PRKAG2: variants seen among roughly 807,000 people sequenced by gnomAD.
PRKAG2 encodes the protein protein kinase AMP-activated non-catalytic subunit gamma 2.
A neutral mutation model predicts 69.6 loss-of-function variants in PRKAG2; 26 were observed. That is an observed-to-expected ratio of 0.37 (90% CI 0.27 to 0.52). PRKAG2 has a LOEUF of 0.52. PRKAG2 is among the 20% of genes least tolerant of loss of function. PRKAG2 has a pLI of 0.90. For missense variants in PRKAG2, 557 were observed against 740.0 expected, an observed-to-expected ratio of 0.75 and a Z score of 2.87; for synonymous variants, 293 against 285.0, an observed-to-expected ratio of 1.03 and a Z score of -0.28.
chr7:151,685,694 G>C (rs1352470767), intron 3 of PRKAG2, among the ~76,000 whole-genome samples: 1 of 151,746 alleles, frequency 6.6e-6, no homozygotes, highest in African/African-American at 2.4e-5. Context: ...GCTTAAGCCT[G>C]AGAGGTTGCG....
intron 1 of PRKAG2, among the ~76,000 whole-genome samples, chr7:151,795,761 G>A (rs2077471217): frequency 1.3e-5 from 2 of 150,714 alleles, no homozygotes; most frequent in Non-Finnish European, 1.5e-5. Context: ...AGCATCGACT[G>A]CCTGAGCTTC....
At chr7:151,823,980 A>G (rs1433563660) in intron 1 of PRKAG2, among the ~76,000 whole-genome samples, 1 of 152,212 alleles carries the variant, frequency 6.6e-6, no homozygotes, top group Non-Finnish European at 1.5e-5. Context: ...ACGGGGAAAC[A>G]GGCATAGAGA....
rs955011334 is a variant in PRKAG2, at chr7:151,632,639, G to C, written c.685-501C>G. 45 of 982,930 alleles carry C rather than the reference G, an allele frequency of 4.6e-5. No individual in the cohort carries two copies. Among genetic ancestry groups the C allele is most frequent in the Non-Finnish European group, 5.2e-5 (43 of 827,846 alleles). The allele number at this position is 982,930 out of a possible 1,614,324, so 60.9% of individuals were successfully genotyped here. ...AGGTGTGGGCTCCGCGGCGCGGGGA[G>C]GGGGAGAGGGGCTGGAGGCTGCAGA... On this transcript the variant is annotated intron_variant, in intron 4 of 15. Coordinates refer to ENST00000287878, the MANE Select transcript of PRKAG2 (RefSeq NM_016203.4). The surrounding 1 kb of genome is among the most constrained non-coding windows in gnomAD (Gnocchi z 4.2).
chr7:151,587,145 G>GA (rs1160553068), intron 6 of PRKAG2, among the ~76,000 whole-genome samples: 2 of 152,100 alleles, frequency 1.3e-5, no homozygotes, highest in African/African-American at 4.8e-5. Context: ...TGCCTCAAAA[G>GA]AAAAAATAGT....
At chr7:151,607,375 A>G (rs12113117) in intron 5 of PRKAG2, among the ~76,000 whole-genome samples, 6,814 of 152,144 alleles carry the variant, frequency 0.045, 497 homozygotes, top group African/African-American at 0.15. Context: ...TTGAACTCTC[A>G]GGCTCAAGCA....
chr7:151,608,022 A>AAG (rs1289542668), intron 5 of PRKAG2, among the ~76,000 whole-genome samples: 1 of 151,946 alleles, frequency 6.6e-6, no homozygotes, highest in Non-Finnish European at 1.5e-5. Context: ...GTGTCCTTAT[A>AAG]AGAGAGAGAG....
At chr7:151,733,843 G>A (rs1779371910) in intron 3 of PRKAG2, among the ~76,000 whole-genome samples, 1 of 151,976 alleles carries the variant, frequency 6.6e-6, no homozygotes, top group Admixed American at 6.6e-5. Context: ...CCATGGGTGT[G>A]CACCACCATG....
At chr7:151,744,867 G>A (rs534459007) in intron 3 of PRKAG2, among the ~76,000 whole-genome samples, 1 of 152,340 alleles carries the variant, frequency 6.6e-6, no homozygotes, top group Admixed American at 6.5e-5. Context: ...GCTGTACAGA[G>A]CTGGGAGACT....
intron 4 of PRKAG2, among the ~76,000 whole-genome samples, chr7:151,668,549 T>C (rs1831379265): frequency 6.6e-6 from 1 of 152,210 alleles, no homozygotes; most frequent in Admixed American, 6.5e-5. Context: ...TGCAACCTTT[T>C]TAGCAGGATC....
intron 4 of PRKAG2, among the ~76,000 whole-genome samples, chr7:151,633,521 A>T (rs574482896): frequency 1.5e-3 from 224 of 152,134 alleles, no homozygotes; most frequent in African/African-American, 5.0e-3. Flanking sequence ...CTACAAAAGA[A>T]AGAAAAAACT....
chr7:151,853,497 G>A (rs138521411), intron 1 of PRKAG2, among the ~76,000 whole-genome samples: 1 of 152,240 alleles, frequency 6.6e-6, no homozygotes, highest in East Asian at 1.9e-4. Flanking sequence ...TATGGCTCAC[G>A]CCTGTAATCC....
intron 3 of PRKAG2, among the ~76,000 whole-genome samples, chr7:151,676,180 C>T (rs1044253036): frequency 1.4e-5 from 2 of 144,090 alleles, no homozygotes; most frequent in African/African-American, 2.6e-5. Flanking sequence ...TGGGGAAGTT[C>T]GGAAAATGTG....
chr7:151,874,501 TATGATGTATATGTATATGTATATG>T lies in PRKAG2; in HGVS notation c.114+1982_114+2005del, dbSNP rs202214663. Among the ~76,000 whole-genome samples the T allele has an allele frequency of 5.6e-5, 6 of 107,490 alleles. No homozygotes were observed. The East Asian group carries it at 1.1e-3, about 19-fold the overall frequency. The allele number at this position is 107,490 out of a possible 152,430, so 70.5% of individuals were successfully genotyped here. A position where few individuals can be genotyped will look rare whatever the true frequency, so the allele number is the denominator to read the frequency against. On this transcript the variant is annotated intron_variant, in intron 1 of 15. Transcript: ENST00000287878. The stretch of plus-strand genomic sequence containing the variant: ...TGTATATGTATATGATGTATATGTA[TATGATGTATATGTATATGTATATG>T]ATGTATATGTATATGTATATGTATA...
At chr7:151,629,990 T>C (rs1320131125) in intron 5 of PRKAG2, among the ~76,000 whole-genome samples, 1 of 152,224 alleles carries the variant, frequency 6.6e-6, no homozygotes, top group Non-Finnish European at 1.5e-5. Flanking sequence ...CAAAGCTGCA[T>C]TTGGACTACC....
chr7:151,858,867 C>T (rs763871908), intron 1 of PRKAG2, among the ~76,000 whole-genome samples: 8 of 152,152 alleles, frequency 5.3e-5, no homozygotes, highest in Non-Finnish European at 1.0e-4. Flanking sequence ...GAACGGAACA[C>T]GAATTCTGCC....
At chr7:151,712,149 C>G (rs543168894) in intron 3 of PRKAG2, among the ~76,000 whole-genome samples, 39 of 152,362 alleles carry the variant, frequency 2.6e-4, no homozygotes, top group African/African-American at 8.2e-4. Context: ...TGTAACATGA[C>G]TGGGCGGCTC....
chr7:151,601,205 G>A (rs1308698177), intron 5 of PRKAG2, among the ~76,000 whole-genome samples: 1 of 152,144 alleles, frequency 6.6e-6, no homozygotes, highest in Middle Eastern at 3.2e-3. Flanking sequence ...TGGATCACCT[G>A]AGAACACACA....
At position 151,807,386 on chromosome 7, in the gene PRKAG2, T is replaced by C. The variant is rs1461285543; in HGVS notation, c.115-20845A>G. 2 of 455,940 alleles carry C rather than the reference T, an allele frequency of 4.4e-6. No homozygotes were observed. The highest frequency in any genetic ancestry group is 4.7e-5 in the Admixed American group (2 of 42,542). The allele number at this position is 455,940 out of a possible 1,614,324, so 28.2% of individuals were successfully genotyped here. A position where few individuals can be genotyped will look rare whatever the true frequency, so the allele number is the denominator to read the frequency against. On this transcript the variant is annotated intron_variant, in intron 1 of 15. Transcript: ENST00000287878. This position sits in a 1 kb window ranked among gnomAD's most constrained non-coding sequence, Gnocchi z 4.4. ...TTTTCATGCAGCGGGAGTGGAATTT[T>C]CAGGAAGCAGCTGTGCTGTGGGTGA...
At chr7:151,700,511 GC>G (rs1008784208) in intron 3 of PRKAG2, among the ~76,000 whole-genome samples, 2 of 152,176 alleles carry the variant, frequency 1.3e-5, no homozygotes, top group Non-Finnish European at 2.9e-5. Context: ...CCTTTTTAAC[GC>G]AGGCTTGTGA....
Sources: allele counts gnomAD v4.1 joint callset (sites outside exome capture counted in the v4.1 genomes callset), GRCh38; gene constraint gnomAD v4.1.1; non-coding constraint Gnocchi (gnomAD v3.1); transcripts MANE v1.5; gene names NCBI Gene and HGNC (gene_info 2026-07-23, HGNC 2026-07-21).